The following L3MBTL4 variants were observed in gnomAD, a reference collection of about 807,000 sequenced individuals.
L3MBTL4 encodes the protein L3MBTL histone methyl-lysine binding protein 4.
L3MBTL4 carries 70 observed loss-of-function variants against 84.5 expected under a neutral mutation model. That is an observed-to-expected ratio of 0.83 (90% CI 0.68 to 1.01). L3MBTL4 has a LOEUF of 1.01. L3MBTL4 is among the 50% of genes least tolerant of loss of function. The pLI is 0.00. For missense variants in L3MBTL4, 715 were observed against 754.8 expected (o/e 0.95, Z 0.62); for synonymous variants, 274 against 259.8 (o/e 1.05, Z -0.52).
chr18:6,244,091 A>G (rs1449924075), intron 6 of L3MBTL4, among the ~76,000 whole-genome samples: 1 of 152,184 alleles, frequency 6.6e-6, no homozygotes, highest in Non-Finnish European at 1.5e-5. Context: ...TAATTTTCAT[A>G]AAGTGAATGT....
intron 1 of L3MBTL4, among the ~76,000 whole-genome samples, chr18:6,363,161 C>T (rs1038984340): frequency 1.3e-5 from 2 of 152,292 alleles, no homozygotes; most frequent in South Asian, 4.1e-4. Flanking sequence ...CGCCAAAAAA[C>T]GGTCAAGTCT....
intron 16 of L3MBTL4, among the ~76,000 whole-genome samples, chr18:5,997,907 C>A (rs547235527): frequency 6.6e-6 from 1 of 152,190 alleles, no homozygotes; most frequent in East Asian, 1.9e-4. Context: ...CGAGTAGCTG[C>A]TTTTGGTATC....
At chr18:6,224,418 G>A (rs1356395548) in intron 10 of L3MBTL4, among the ~76,000 whole-genome samples, 2 of 152,222 alleles carry the variant, frequency 1.3e-5, no homozygotes, top group Non-Finnish European at 2.9e-5. Context: ...TGGTCTTAAA[G>A]TCTGGTAGAC....
intron 16 of L3MBTL4, chr18:6,031,517 T>C (rs1415647866): frequency 2.8e-5 from 28 of 984,520 alleles, no homozygotes; most frequent in Non-Finnish European, 3.3e-5. Context: ...AGTTCACACA[T>C]CTGTTTGTCA....
chr18:6,089,749 T>C (rs2058378193), intron 15 of L3MBTL4, among the ~76,000 whole-genome samples: 2 of 152,202 alleles, frequency 1.3e-5, no homozygotes, highest in Non-Finnish European at 2.9e-5. Flanking sequence ...TTGTTTAGCA[T>C]AACGCTTTGC....
chr18:6,046,895 A>G, intron 16 of L3MBTL4: 1 of 568,128 alleles, frequency 1.8e-6, no homozygotes, highest in Non-Finnish European at 3.2e-6. Flanking sequence ...AAAAGAATTG[A>G]CTAAAATCAG....
At chr18:6,383,149 A>G (rs1599855330) in intron 1 of L3MBTL4, among the ~76,000 whole-genome samples, 1 of 151,982 alleles carries the variant, frequency 6.6e-6, no homozygotes, top group Non-Finnish European at 1.5e-5. Context: ...GCAATGGTGG[A>G]CGCCCCTCCC....
At chr18:6,092,239 A>G (rs1354384479) in intron 15 of L3MBTL4, among the ~76,000 whole-genome samples, 1 of 152,234 alleles carries the variant, frequency 6.6e-6, no homozygotes, top group East Asian at 1.9e-4. Flanking sequence ...ATGCTCTAAA[A>G]TAACATGTGC....
chr18:5,975,831 C>T (rs2052896227), intron 16 of L3MBTL4, among the ~76,000 whole-genome samples: 1 of 152,212 alleles, frequency 6.6e-6, no homozygotes, highest in Non-Finnish European at 1.5e-5. Context: ...TTCTTAGATG[C>T]CAAGTCATAT....
chr18:6,381,426 T>C (rs1230365941), intron 1 of L3MBTL4, among the ~76,000 whole-genome samples: 1 of 152,246 alleles, frequency 6.6e-6, no homozygotes, highest in Non-Finnish European at 1.5e-5. Context: ...CTTCATAGTG[T>C]CAATGGTCTA....
chr18:6,387,298 G>C (rs2054864660), intron 1 of L3MBTL4, among the ~76,000 whole-genome samples: 2 of 152,152 alleles, frequency 1.3e-5, no homozygotes, highest in South Asian at 4.2e-4. Context: ...GGTTAGATTT[G>C]TGTTTCTCAA....
chr18:6,412,534 TG>T (rs1240434167), intron 1 of L3MBTL4, among the ~76,000 whole-genome samples: 2 of 152,134 alleles, frequency 1.3e-5, no homozygotes, highest in Non-Finnish European at 2.9e-5. Flanking sequence ...CGCAGCCTCC[TG>T]GAAGTGGCTT....
intron 16 of L3MBTL4, among the ~76,000 whole-genome samples, chr18:6,054,887 G>T (rs988474025): frequency 6.6e-6 from 1 of 152,208 alleles, no homozygotes; most frequent in Non-Finnish European, 1.5e-5. Flanking sequence ...TGGGCTTCGG[G>T]CTCTTTTTCC....
intron 16 of L3MBTL4, among the ~76,000 whole-genome samples, chr18:5,978,692 G>A (rs1309763882): frequency 2.0e-5 from 3 of 152,220 alleles, no homozygotes; most frequent in African/African-American, 7.2e-5. Context: ...ACATCTGTGA[G>A]TAGGACACAA....
rs1379823947 is a variant in L3MBTL4 at position 6,093,432 on chromosome 18, G to A, written c.1296C>T (p.Asp432=). Reference sequence around the variant, plus strand: ...GGCTTTTTGATTTTGAATGTGAAGAGTCTGATTCCAAATTTGCCTGTGTTT... The same window carrying A: ...GGCTTTTTGATTTTGAATGTGAAGAATCTGATTCCAAATTTGCCTGTGTTT... ...REQTQANLES[D]SSHSKSKSLC... The change falls in exon 15 of 19, where the codon GAC becomes GAT. Residue 432 remains aspartate, a synonymous_variant. Transcript: ENST00000317931. 1.2e-6 allele frequency: 2 copies of A among 1,613,882 alleles called. No homozygotes were observed. The highest frequency in any genetic ancestry group is 1.7e-5 in the Admixed American group (1 of 59,994).
At chr18:6,045,373 T>A (rs1049992931) in intron 16 of L3MBTL4, among the ~76,000 whole-genome samples, 1 of 152,304 alleles carries the variant, frequency 6.6e-6, no homozygotes, top group African/African-American at 2.4e-5. Context: ...TTACAAGAGA[T>A]CCTTAAGGAA....
At chr18:6,181,199 T>C (rs1428083072) in intron 12 of L3MBTL4, among the ~76,000 whole-genome samples, 1 of 152,128 alleles carries the variant, frequency 6.6e-6, no homozygotes, top group East Asian at 1.9e-4. Context: ...TAAAAACTTT[T>C]ATATTAGGTT....
At chr18:6,262,959 T>C (rs1215114957) in intron 5 of L3MBTL4, among the ~76,000 whole-genome samples, 2 of 152,164 alleles carry the variant, frequency 1.3e-5, no homozygotes, top group African/African-American at 2.4e-5. Flanking sequence ...GTAAACCAAA[T>C]AAAAAGTTGT....
In L3MBTL4 at chr18:6,179,964, C is replaced by A. The variant is rs76785287; in HGVS notation, c.982-8022G>T. On this transcript the variant is annotated intron_variant, in intron 12 of 18. Coordinates refer to ENST00000317931, the MANE Select transcript of L3MBTL4 (RefSeq NM_001330559.2). ...TATATAGCGCCTCATTTAATGTTCA[C>A]AGTACTATTTTAATAGATGATTAAT... 9.9e-3 allele frequency among the ~76,000 whole-genome samples: 1,508 copies of A among 152,232 alleles called. 12 individuals are homozygous for A. The highest frequency in any genetic ancestry group is 0.015 in the Non-Finnish European group (996 of 68,022).
Sources: allele counts gnomAD v4.1 joint callset (sites outside exome capture counted in the v4.1 genomes callset), GRCh38; gene constraint gnomAD v4.1.1; transcripts MANE v1.5; gene names NCBI Gene and HGNC (gene_info 2026-07-23, HGNC 2026-07-21).